PDE4D: variants seen among roughly 807,000 people sequenced by gnomAD.
PDE4D encodes 3',5'-cyclic-AMP phosphodiesterase 4D.
A neutral mutation model predicts 87.4 loss-of-function variants in PDE4D; 24 were observed. That is an observed-to-expected ratio of 0.27 (90% CI 0.20 to 0.39). The LOEUF is 0.39. Ranked by LOEUF, PDE4D falls within the 10% of genes least tolerant of loss-of-function variation. PDE4D has a pLI of 1.00. For missense variants in PDE4D, 714 were observed against 1,041.0 expected, an observed-to-expected ratio of 0.69 and a Z score of 4.32; for synonymous variants, 384 against 383.2, an observed-to-expected ratio of 1.00 and a Z score of -0.02.
chr5:59,684,633 G>A (rs757707744), intron 1 of PDE4D, among the ~76,000 whole-genome samples: 10 of 152,256 alleles, frequency 6.6e-5, no homozygotes, highest in South Asian at 2.1e-4. Context: ...GTGTGGGGCC[G>A]TGAGGATATG....
Position 59,152,407 on chromosome 5 carries a change from C to T in PDE4D, c.808+28188G>A, listed in dbSNP as rs185286889. ...CACATTATAATCAAGATTTCTATGC[C>T]TACTATATTGTTTCTACCTGCTTTA... On this transcript the variant is annotated intron_variant, in intron 5 of 14. Transcript: ENST00000340635. Among the ~76,000 whole-genome samples, 27 of 152,188 alleles carry T rather than the reference C, an allele frequency of 1.8e-4. No individual in the cohort carries two copies. In the East Asian group the frequency reaches 5.0e-3, roughly 28 times the overall value.
At chr5:60,268,463 G>A (rs1750470596) in intron 1 of PDE4D, among the ~76,000 whole-genome samples, 1 of 152,204 alleles carries the variant, frequency 6.6e-6, no homozygotes, top group African/African-American at 2.4e-5. Flanking sequence ...CTTCGGGTGT[G>A]GACGGCTACC....
chr5:60,150,006 TTA>T (rs954828375), intron 2 of PDE4D, among the ~76,000 whole-genome samples: 2 of 147,140 alleles, frequency 1.4e-5, no homozygotes, highest in African/African-American at 2.5e-5. Context: ...GTGTATATAA[TTA>T]TATATATTAG....
intron 5 of PDE4D, among the ~76,000 whole-genome samples, chr5:59,147,163 C>T (rs1016691713): frequency 3.9e-5 from 6 of 152,128 alleles, no homozygotes; most frequent in African/African-American, 1.4e-4. Flanking sequence ...GAAGCCAGTC[C>T]CTGGTGCCAA....
In PDE4D at chr5:60,478,105, G is replaced by A. The variant is rs575126659; in HGVS notation, c.-90+9837C>T. On this transcript the variant is annotated intron_variant, in intron 1 of 16. Transcript: ENST00000502484. ...ATAACAAAGGAGATTAAAAGAGGAG[G>A]TTGAAGGAGTCCCTTAAATTCAAAT... Among the ~76,000 whole-genome samples the A allele has an allele frequency of 3.3e-5, 5 of 152,262 alleles. No homozygotes were observed. The East Asian group carries it at 9.7e-4, about 29-fold the overall frequency.
At chr5:59,868,871 T>C (rs1215009779) in intron 1 of PDE4D, among the ~76,000 whole-genome samples, 1 of 152,218 alleles carries the variant, frequency 6.6e-6, no homozygotes, top group Non-Finnish European at 1.5e-5. Context: ...ATTTAAGAAA[T>C]ACCAAACTAT....
chr5:59,343,753 T>C (rs966376850), intron 1 of PDE4D, among the ~76,000 whole-genome samples: 3 of 152,198 alleles, frequency 2.0e-5, no homozygotes, highest in Non-Finnish European at 4.4e-5. Context: ...ATAATGTTAT[T>C]TCTGTAAGCT....
chr5:60,385,367 G>C (rs879428893), intron 1 of PDE4D, among the ~76,000 whole-genome samples: 1 of 152,194 alleles, frequency 6.6e-6, no homozygotes. Context: ...TCCTCACCAG[G>C]GGTGAAGAAT....
chr5:59,597,807 T>C (rs1478937184), intron 1 of PDE4D, among the ~76,000 whole-genome samples: 1 of 152,208 alleles, frequency 6.6e-6, no homozygotes, highest in African/African-American at 2.4e-5. Context: ...AGGCTAGTTA[T>C]TAAATACTAG....
intron 5 of PDE4D, among the ~76,000 whole-genome samples, chr5:59,175,453 C>T (rs1232989587): frequency 6.8e-6 from 1 of 146,588 alleles, no homozygotes; most frequent in East Asian, 2.0e-4. Flanking sequence ...ACATTCGGAA[C>T]TCTATCCATT....
At chr5:59,449,566 A>T (rs999758822) in intron 1 of PDE4D, among the ~76,000 whole-genome samples, 10 of 152,220 alleles carry the variant, frequency 6.6e-5, no homozygotes, top group Non-Finnish European at 1.5e-4. Context: ...TGCCACAAAT[A>T]TCTTTACTCA....
At chr5:60,163,460 G>A (rs927112037) in intron 2 of PDE4D, among the ~76,000 whole-genome samples, 3 of 152,096 alleles carry the variant, frequency 2.0e-5, no homozygotes, top group African/African-American at 4.8e-5. Context: ...CTTTATAATA[G>A]GAAATGTGGT....
chr5:60,060,585 G>A (rs979862894), intron 2 of PDE4D, among the ~76,000 whole-genome samples: 4 of 152,094 alleles, frequency 2.6e-5, no homozygotes, highest in Non-Finnish European at 5.9e-5. Context: ...CTGAGGAGTT[G>A]ATTTCAACTG....
At chr5:59,853,660 C>T (rs752072928) in intron 1 of PDE4D, among the ~76,000 whole-genome samples, 3 of 151,884 alleles carry the variant, frequency 2.0e-5, no homozygotes, top group Non-Finnish European at 4.4e-5. Context: ...AATGTATGCT[C>T]AATGTTAAAA....
chr5:59,213,835 T>G (rs1377826123), intron 2 of PDE4D, among the ~76,000 whole-genome samples: 1 of 152,158 alleles, frequency 6.6e-6, no homozygotes, highest in Admixed American at 6.6e-5. Flanking sequence ...GTACTTTAAC[T>G]GTTGTCTTGT....
intron 2 of PDE4D, among the ~76,000 whole-genome samples, chr5:60,104,157 A>G (rs851282): frequency 0.49 from 75,098 of 152,068 alleles, 18,976 homozygotes; most frequent in East Asian, 0.82. Flanking sequence ...ACTCCCACCC[A>G]AATACTGCGC....
chr5:59,454,078 C>T (rs1398177582), intron 1 of PDE4D, among the ~76,000 whole-genome samples: 1 of 152,180 alleles, frequency 6.6e-6, no homozygotes, highest in Non-Finnish European at 1.5e-5. Context: ...CCTGAAACAG[C>T]AAAGCCTAGA....
intron 1 of PDE4D, among the ~76,000 whole-genome samples, chr5:59,552,004 C>T (rs886938180): frequency 6.6e-6 from 1 of 152,012 alleles, no homozygotes; most frequent in African/African-American, 2.4e-5. Context: ...TTGCTTGAGC[C>T]CAGGAGTTTG....
chr5:59,649,608 A>G (rs1743031767), intron 1 of PDE4D, among the ~76,000 whole-genome samples: 1 of 152,034 alleles, frequency 6.6e-6, no homozygotes, highest in Non-Finnish European at 1.5e-5. Context: ...ACAGGAAACA[A>G]AAAGACAAGG....
Sources: allele counts gnomAD v4.1 joint callset (sites outside exome capture counted in the v4.1 genomes callset), GRCh38; gene constraint gnomAD v4.1.1; transcripts MANE v1.5; gene names NCBI Gene and HGNC (gene_info 2026-07-23, HGNC 2026-07-21).